BCAS3: variants seen among roughly 807,000 people sequenced by gnomAD.
The protein encoded by BCAS3 is BCAS4/BCAS3 fusion.
Under a neutral mutation model 116.1 loss-of-function variants are expected in BCAS3, and 53 were observed. The observed-to-expected ratio is 0.46, with a 90% CI of 0.37 to 0.57. BCAS3 has a LOEUF of 0.57. Ranked by LOEUF, BCAS3 falls within the 20% of genes least tolerant of loss-of-function variation. BCAS3 has a pLI of 0.00. For synonymous variants in BCAS3, 391 were observed against 408.2 expected, an observed-to-expected ratio of 0.96 and a Z score of 0.51; for missense variants, 917 against 1,165.4, an observed-to-expected ratio of 0.79 and a Z score of 3.10.
chr17:60,733,126 A>G (rs1035534669), intron 5 of BCAS3, among the ~76,000 whole-genome samples: 1 of 152,220 alleles, frequency 6.6e-6, no homozygotes, highest in Admixed American at 6.5e-5. Context: ...TATACATTTA[A>G]CAAATATACA....
At chr17:61,150,900 C>G (rs964722008) in intron 22 of BCAS3, among the ~76,000 whole-genome samples, 1 of 152,202 alleles carries the variant, frequency 6.6e-6, no homozygotes, top group Non-Finnish European at 1.5e-5. Flanking sequence ...CCTCCTGTTA[C>G]TCAAGATCTT....
rs1050780989 is a variant in BCAS3 at position 61,095,198 on chromosome 17, C to T, written c.2425+10634C>T. On this transcript the variant is annotated intron_variant, in intron 22 of 23. Coordinates refer to ENST00000407086, the MANE Select transcript of BCAS3 (RefSeq NM_017679.5). This position sits in a 1 kb window ranked among gnomAD's most constrained non-coding sequence, Gnocchi z 4.7. ...AGTTAGACCAACTTTTCTTCGTGTA[C>T]GTCAACCAAAACAGCATATCAGAAC... Among the ~76,000 whole-genome samples the T allele has an allele frequency of 1.3e-5, 2 of 152,116 alleles. No homozygotes were observed. The highest frequency in any genetic ancestry group is 6.6e-5 in the Admixed American group (1 of 15,264).
At chr17:60,879,584 C>A (rs953218801) in intron 9 of BCAS3, among the ~76,000 whole-genome samples, 1 of 152,054 alleles carries the variant, frequency 6.6e-6, no homozygotes, top group Admixed American at 6.5e-5. Context: ...AGACAAAGAC[C>A]GATAGATGTC....
In BCAS3 at chr17:61,367,888, T is replaced by C. The variant is rs2058824803; in HGVS notation, c.2426-439T>C. The C allele has an allele frequency of 6.5e-6, 1 of 153,136 alleles. No homozygotes were observed. The highest frequency in any genetic ancestry group is 1.5e-5 in the Non-Finnish European group (1 of 68,688). The allele number at this position is 153,136 out of a possible 1,614,324, so 9.5% of individuals were successfully genotyped here. The stretch of plus-strand genomic sequence containing the variant: ...CTCAAAGTCCTGGCCTCAAGCAATC[T>C]TCCCGCGTTGGCCTCTCAAAGTGTT... On this transcript the variant is annotated intron_variant, in intron 22 of 23. Transcript: ENST00000407086. The surrounding 1 kb of genome is among the most constrained non-coding windows in gnomAD (Gnocchi z 6.2).
At chr17:61,329,853 C>T (rs905295251) in intron 22 of BCAS3, among the ~76,000 whole-genome samples, 1 of 152,094 alleles carries the variant, frequency 6.6e-6, no homozygotes, top group Non-Finnish European at 1.5e-5. Flanking sequence ...CGCAAGACGC[C>T]GCTTACCTGC....
At position 60,834,546 on chromosome 17, in the gene BCAS3, T is replaced by C. The variant is rs544249875; in HGVS notation, c.476+26470T>C. Among the ~76,000 whole-genome samples the C allele has an allele frequency of 2.0e-4, 31 of 152,114 alleles. 1 individual carries two copies. In the South Asian group the frequency reaches 2.9e-3, roughly 14 times the overall value. ...ATATGTGTACTCAAACTAATCTACA[T>C]TGGTAGATTATCAAGTTTTAAGATG... is the stretch of plus-strand genomic sequence containing the variant. On this transcript the variant is annotated intron_variant, in intron 7 of 23. Coordinates refer to ENST00000407086, the MANE Select transcript of BCAS3 (RefSeq NM_017679.5).
chr17:61,139,635 C>T lies in BCAS3; in HGVS notation c.2425+55071C>T, dbSNP rs2076819126. 6.6e-6 allele frequency among the ~76,000 whole-genome samples: 1 copy of T among 152,142 alleles called. No individual in the cohort carries two copies. ...TGCTATTATTGACTGTTTCCTAGAA[C>T]TCATACATGCAGTATAGTTCAGTGC... is the stretch of plus-strand genomic sequence containing the variant. On this transcript the variant is annotated intron_variant, in intron 22 of 23. Transcript: ENST00000407086. This position sits in a 1 kb window ranked among gnomAD's most constrained non-coding sequence, Gnocchi z 4.7.
intron 22 of BCAS3, among the ~76,000 whole-genome samples, chr17:61,322,858 G>GAGAC (rs2055408687): frequency 7.5e-6 from 1 of 134,138 alleles, no homozygotes; most frequent in African/African-American, 2.9e-5. Flanking sequence ...GAGAGAGACA[G>GAGAC]AGAGAGAGAG....
intron 10 of BCAS3, among the ~76,000 whole-genome samples, chr17:60,890,784 G>A (rs559628145): frequency 4.6e-5 from 7 of 152,130 alleles, no homozygotes; most frequent in South Asian, 4.1e-4. Context: ...TTTTGGTTTC[G>A]TTTTTGCTAG....
chr17:60,920,354 G>C (rs2059007701), intron 12 of BCAS3, among the ~76,000 whole-genome samples: 1 of 152,180 alleles, frequency 6.6e-6, no homozygotes, highest in Non-Finnish European at 1.5e-5. Flanking sequence ...TGGTTTATCT[G>C]ATAAAGGTCT....
intron 14 of BCAS3, chr17:60,980,555 C>G (rs994631818): frequency 8.5e-6 from 1 of 117,228 alleles, no homozygotes; most frequent in African/African-American, 3.5e-5. Flanking sequence ...TTTTTTGAAA[C>G]AGGGTCTCAC....
At chr17:61,218,953 A>G (rs1015225483) in intron 22 of BCAS3, among the ~76,000 whole-genome samples, 1 of 152,220 alleles carries the variant, frequency 6.6e-6, no homozygotes, top group Admixed American at 6.5e-5. Context: ...GTGCTTCTAA[A>G]GTAATTAGAA....
At chr17:60,944,899 A>G (rs2060405434) in intron 13 of BCAS3, among the ~76,000 whole-genome samples, 1 of 152,180 alleles carries the variant, frequency 6.6e-6, no homozygotes, top group Non-Finnish European at 1.5e-5. Context: ...ATACTTAAAG[A>G]TTGAATGCTT....
chr17:61,059,684 C>T lies in BCAS3; in HGVS notation c.2030-15236C>T, dbSNP rs545902625. On this transcript the variant is annotated intron_variant, in intron 19 of 23. Transcript: ENST00000407086. ...ATCTCCTCTGATCTTCAGTGGTCAG[C>T]TGGACAAGTATGGCTCTAATATTGG... Among the ~76,000 whole-genome samples, 119 of 152,246 alleles carry T rather than the reference C, an allele frequency of 7.8e-4. 1 individual carries two copies. The South Asian group carries it at 0.024, about 31-fold the overall frequency.
intron 4 of BCAS3, among the ~76,000 whole-genome samples, chr17:60,692,570 G>T (rs532029876): frequency 1.3e-5 from 2 of 151,806 alleles, no homozygotes; most frequent in Non-Finnish European, 2.9e-5. Flanking sequence ...TATCATGCAT[G>T]TTGAATATTG....
At chr17:60,738,061 A>G (rs902510020) in intron 5 of BCAS3, among the ~76,000 whole-genome samples, 9 of 152,226 alleles carry the variant, frequency 5.9e-5, no homozygotes, top group African/African-American at 1.9e-4. Flanking sequence ...CTGGGATTAC[A>G]GGCGTGAGCC....
intron 7 of BCAS3, among the ~76,000 whole-genome samples, chr17:60,845,581 G>T (rs1353359108): frequency 6.6e-6 from 1 of 152,056 alleles, no homozygotes; most frequent in East Asian, 1.9e-4. Context: ...TTTATTGACG[G>T]TAAACTATGT....
intron 22 of BCAS3, among the ~76,000 whole-genome samples, chr17:61,177,677 TG>T (rs2144152318): frequency 6.6e-6 from 1 of 152,368 alleles, no homozygotes; most frequent in South Asian, 2.1e-4. Flanking sequence ...TTGTAAATGG[TG>T]CACTTTAGAT....
intron 7 of BCAS3, among the ~76,000 whole-genome samples, chr17:60,820,241 G>C (rs1343063231): frequency 2.6e-5 from 4 of 151,912 alleles, no homozygotes; most frequent in Non-Finnish European, 5.9e-5. Context: ...CTAATTTTTT[G>C]TATTTTTAGT....
Sources: gnomAD v4.1 joint callset for allele counts (sites outside exome capture counted in the v4.1 genomes callset) on GRCh38, gnomAD v4.1.1 for gene constraint, Gnocchi (gnomAD v3.1) non-coding constraint, MANE v1.5 for transcripts, NCBI Gene and HGNC (gene_info 2026-07-23, HGNC 2026-07-21) for gene names.